Variants in FLNC observed in about 807,000 individuals in gnomAD.
The protein encoded by FLNC is filamin C.
In FLNC, 91 loss-of-function variants were observed where a neutral mutation model predicts 254.3. The observed-to-expected ratio is 0.36, with a 90% CI of 0.30 to 0.43. The LOEUF (loss-of-function observed/expected upper bound fraction) is 0.43, where lower values mean the gene tolerates loss of function less well. Ranked by LOEUF, FLNC falls within the 20% of genes least tolerant of loss-of-function variation. The pLI is 1.00. For synonymous variants in FLNC, 1,430 were observed against 1,577.2 expected (o/e 0.91, Z 2.21); for missense variants, 2,853 against 3,802.6 (o/e 0.75, Z 6.57).
At position 128,854,023 on chromosome 7, in the gene FLNC, C is replaced by T. The variant is rs542403218; in HGVS notation, c.6534C>T (p.Phe2178=). ...CCCAGGAGCGCCTGACACGCACCTT[C>T]ACACGCAGCAGCCACACCTACACCC... ...VSAQERLTRT[F]TRSSHTYTRT... Residue 2178 remains phenylalanine (F), a synonymous_variant, in exon 40 of 48, where the codon TTC becomes TTT. Coordinates refer to ENST00000325888, the MANE Select transcript of FLNC (RefSeq NM_001458.5). 6.2e-7 allele frequency: 1 copy of T among 1,613,174 alleles called. No homozygotes were observed. Among genetic ancestry groups the T allele is most frequent in the East Asian group, 2.2e-5 (1 of 44,882 alleles).
At chr7:128,844,535 A>T in intron 20 of FLNC, 123 bp from the exon 21 acceptor site, 3 of 1,014,678 alleles carry the variant, frequency 3.0e-6, no homozygotes, top group Non-Finnish European at 4.6e-6. Flanking sequence ...ATCACCTGGG[A>T]TTGTTATAAG....
chr7:128,837,177 G>A lies in FLNC; in HGVS notation c.619G>A (p.Glu207Lys). ...CTCTCCAGGTCTCTGCCCCGACTGG[G>A]AGGCCTGGGACCCCAACCAGCCCGT... ...NCAPGLCPDWEAWDPNQPVEN... is the reference protein window; with the variant it reads ...NCAPGLCPDWKAWDPNQPVEN... The change falls in exon 3 of 48, where the codon GAG (glutamate) becomes AAG (lysine). Residue 207 changes from glutamate (E) to lysine (K), a missense_variant. Physicochemically the swap from Glu to Lys is moderately conservative, Grantham distance 56. Transcript: ENST00000325888. 6.2e-7 allele frequency: 1 copy of A among 1,602,678 alleles called. No homozygotes were observed. Among genetic ancestry groups the A allele is most frequent in the Admixed American group, 1.7e-5 (1 of 59,066 alleles).
chr7:128,852,672 G>C lies in FLNC; in HGVS notation c.5924G>C (p.Ser1975Thr). The C allele has an allele frequency of 3.7e-6, 6 of 1,613,332 alleles. No homozygotes were observed. The highest frequency in any genetic ancestry group is 5.1e-6 in the Non-Finnish European group (6 of 1,180,020). The part of the protein sequence containing the change: ...VSLKITESDL[S>T]QLTASIRAPS... Reference sequence around the variant, plus strand: ...CTGAAGATCACCGAGAGTGATCTGAGCCAGCTGACCGCCAGCATCCGTGCC... The same window carrying C: ...CTGAAGATCACCGAGAGTGATCTGACCCAGCTGACCGCCAGCATCCGTGCC... Residue 1975 changes from serine (S) to threonine (T), a missense_variant, in exon 36 of 48, where the codon AGC becomes ACC. Coordinates refer to ENST00000325888, the MANE Select transcript of FLNC (RefSeq NM_001458.5).
rs1485043238 is a variant in FLNC, at chr7:128,835,626, G to T, written c.601+52G>T. On this transcript the variant is annotated intron_variant, in intron 2 of 47. Coordinates refer to ENST00000325888, the MANE Select transcript of FLNC (RefSeq NM_001458.5). The surrounding 1 kb of genome is among the most constrained non-coding windows in gnomAD (Gnocchi z 5.3). ...GAGCCCTTAGCTCCCAAAGACAGAGGGGACAAGCTGGGGCTGCCAAGGCGT... is the reference window on the plus strand; with the variant it reads ...GAGCCCTTAGCTCCCAAAGACAGAGTGGACAAGCTGGGGCTGCCAAGGCGT... 2 of 1,590,660 alleles carry T rather than the reference G, an allele frequency of 1.3e-6. No homozygotes were observed. The highest frequency in any genetic ancestry group is 1.7e-5 in the Admixed American group (1 of 59,932).
At chr7:128,850,149 C>T (rs1808747849) in intron 31 of FLNC, 75 bp downstream of exon 31, 6 of 1,288,364 alleles carry the variant, frequency 4.7e-6, no homozygotes, top group Non-Finnish European at 6.5e-6. Flanking sequence ...TCCTCTGCAG[C>T]CAGGGCGGGG....
At chr7:128,831,863 G>C (rs1270268080) in intron 1 of FLNC, among the ~76,000 whole-genome samples, 4 of 152,128 alleles carry the variant, frequency 2.6e-5, no homozygotes, top group Non-Finnish European at 4.4e-5. Context: ...GGTGGGCTTG[G>C]AGTGGCAGGA....
In FLNC at chr7:128,858,764, G is replaced by A; in HGVS notation, c.*241G>A. On this transcript the variant is annotated 3_prime_UTR_variant, in exon 48 of 48. Transcript: ENST00000325888. The surrounding 1 kb of genome is among the most constrained non-coding windows in gnomAD (Gnocchi z 6.7). ...GGGAATGTGACATGAGGGCCGACTG[G>A]GGCCAGGCTCAGGGGCAGAGGCTGG... The A allele has an allele frequency of 1.8e-6, 1 of 565,250 alleles. No individual in the cohort carries two copies. Among genetic ancestry groups the A allele is most frequent in the Admixed American group, 3.0e-5 (1 of 32,986 alleles). 35.0% of individuals were successfully genotyped at this position (565,250 alleles called of 1,614,324 possible). A position where few individuals can be genotyped will look rare whatever the true frequency, so the allele number is the denominator to read the frequency against.
intron 23 of FLNC, 96 bp from the exon 24 acceptor site, chr7:128,846,649 C>T (rs570931707): frequency 6.5e-6 from 9 of 1,394,854 alleles, no homozygotes; most frequent in African/African-American, 2.8e-5. Context: ...GGGTCCCCAG[C>T]GGCCTGCCCT....
rs759899515 is a variant in FLNC at position 128,841,136 on chromosome 7, G to A, written c.1814-34G>A. 4.3e-6 allele frequency: 7 copies of A among 1,609,424 alleles called. No homozygotes were observed. Among genetic ancestry groups the A allele is most frequent in the Non-Finnish European group, 2.5e-6 (3 of 1,177,882 alleles). ...GGGGGACGGAAGGGTCTTGCCTGAT[G>A]CTGGATCCCCGACCCTCCCCCACCT... On this transcript the variant is annotated intron_variant, in intron 11 of 47. Coordinates refer to ENST00000325888, the MANE Select transcript of FLNC (RefSeq NM_001458.5). The surrounding 1 kb of genome is among the most constrained non-coding windows in gnomAD (Gnocchi z 4.3).
Position 128,851,283 on chromosome 7 carries a change from C to T in FLNC, c.5591C>T (p.Ala1864Val), listed in dbSNP as rs1294315494. Reference protein sequence around the residue: ...VDAINSRHVSAYGPGLSHGMV... With the variant: ...VDAINSRHVSVYGPGLSHGMV... ...GCCATCAACAGCCGCCATGTCAGTG[C>T]CTATGGGCCAGGCCTGAGCCATGGC... The change falls in exon 34 of 48, where the codon GCC becomes GTC. Residue 1864 changes from alanine to valine, a missense_variant. By Grantham distance (64) the Ala-to-Val change is moderately conservative. Transcript: ENST00000325888. 1.9e-6 allele frequency: 3 copies of T among 1,614,116 alleles called. No homozygotes were observed. Among genetic ancestry groups the T allele is most frequent in the Non-Finnish European group, 2.5e-6 (3 of 1,180,002 alleles).
In FLNC at chr7:128,853,556, C is replaced by A. The variant is rs771090404; in HGVS notation, c.6296C>A (p.Thr2099Asn). The change falls in exon 38 of 48, where the codon ACC (threonine) becomes AAC (asparagine). Residue 2099 changes from threonine to asparagine, a missense_variant. Physicochemically the swap from Thr to Asn is moderately conservative, Grantham distance 65. This residue lies in a region of FLNC where 551 missense variants were observed against 835.0 expected (regional missense o/e 0.66). Transcript: ENST00000325888. ...EDMEDGTCKV[T>N]YCPTEPGTYI... The stretch of plus-strand genomic sequence containing the variant: ...ATGGAGGACGGGACATGCAAAGTCA[C>A]CTACTGCCCCACCGAGCCCGGCACC... The A allele has an allele frequency of 7.4e-6, 12 of 1,613,884 alleles. No homozygotes were observed. The South Asian group carries it at 9.9e-5, about 13-fold the overall frequency.
At chr7:128,843,690 G>A in intron 18 of FLNC, 106 bp from the exon 19 acceptor site, 1 of 1,488,630 alleles carries the variant, frequency 6.7e-7, no homozygotes, top group Non-Finnish European at 9.4e-7. Context: ...CCTGCCTCCT[G>A]CCCTCACTCT....
chr7:128,851,071 A>G lies in FLNC; in HGVS notation c.5539+128A>G, dbSNP rs1012182170. ...GTGTGCAGACACCAGGCGAGGCCCC[A>G]GGGAGGCTTATACCCTGGTGGGAAG... On this transcript the variant is annotated intron_variant, in intron 33 of 47. Transcript: ENST00000325888. The G allele has an allele frequency of 5.9e-6, 9 of 1,513,134 alleles. No homozygotes were observed. In the South Asian group the frequency reaches 7.9e-5, roughly 13 times the overall value. The allele number at this position is 1,513,134 out of a possible 1,614,324, so 93.7% of individuals were successfully genotyped here. A position where few individuals can be genotyped will look rare whatever the true frequency, so the allele number is the denominator to read the frequency against.
chr7:128,837,696 G>A lies in FLNC; in HGVS notation c.910G>A (p.Asp304Asn). ...QPAHFTVQTVDAGVGEVLVYI... is the reference protein window; with the variant it reads ...QPAHFTVQTVNAGVGEVLVYI... ...TGCCCACTTCACCGTGCAGACGGTG[G>A]ACGCGGGCGTGGGCGAGGTGCTGGT... The change falls in exon 5 of 48, where the codon GAC becomes AAC. Residue 304 changes from aspartate to asparagine, a missense_variant. By Grantham distance (23) the Asp-to-Asn change is conservative. Coordinates refer to ENST00000325888, the MANE Select transcript of FLNC (RefSeq NM_001458.5). The A allele has an allele frequency of 1.9e-6, 3 of 1,610,820 alleles. No individual in the cohort carries two copies. Among genetic ancestry groups the A allele is most frequent in the South Asian group, 2.2e-5 (2 of 90,924 alleles).
Position 128,842,397 on chromosome 7 carries a change from G to C in FLNC, c.2265+23G>C, listed in dbSNP as rs779256765. Reference sequence around the variant, plus strand: ...CGGGTGCGTCCTCCCGGCCTGCCCCGTGCCCACCACCAGGGGTCCCTGAGG... The same window carrying C: ...CGGGTGCGTCCTCCCGGCCTGCCCCCTGCCCACCACCAGGGGTCCCTGAGG... On this transcript the variant is annotated intron_variant, in intron 14 of 47. Transcript: ENST00000325888. The surrounding 1 kb of genome is among the most constrained non-coding windows in gnomAD (Gnocchi z 5.4). 6.2e-7 allele frequency: 1 copy of C among 1,613,148 alleles called. No homozygotes were observed. Among genetic ancestry groups the C allele is most frequent in the South Asian group, 1.1e-5 (1 of 91,084 alleles).
chr7:128,840,081 C>G lies in FLNC; in HGVS notation c.1470C>G (p.Arg490=). Residue 490 remains arginine, a synonymous_variant, in exon 9 of 48, where the codon CGC becomes CGG. Transcript: ENST00000325888. ...SGRGLQPKGV[R]VKEVADFKVF... is the part of the protein sequence containing the mutation. ...GAGGCCTGCAGCCCAAGGGTGTTCG[C>G]GTGAAAGAGGTGGCTGACTTCAAGG... 1 of 1,614,130 alleles carries G rather than the reference C, an allele frequency of 6.2e-7. No homozygotes were observed. The highest frequency in any genetic ancestry group is 8.5e-7 in the Non-Finnish European group (1 of 1,180,034).
In FLNC at chr7:128,852,989, A is replaced by G. The variant is rs1808887741; in HGVS notation, c.6166A>G (p.Thr2056Ala). The change falls in exon 37 of 48, where the codon ACA (threonine) becomes GCA (alanine). Residue 2056 changes from threonine (T) to alanine (A), a missense_variant. Thr to Ala is a moderately conservative substitution (Grantham distance 58, BLOSUM62 0). Around this residue, in one of 10 missense-constraint regions of FLNC, gnomAD observed 551 missense variants for 835.0 expected, o/e 0.66. Transcript: ENST00000325888. ...GGGCAAGGGGCTTTCCGAGGGACAC[A>G]CATTCCAGGTGGCAGAGTTCATCGT... Reference protein sequence around the residue: ...VWGKGLSEGHTFQVAEFIVDT... With the variant: ...VWGKGLSEGHAFQVAEFIVDT... 6.2e-7 allele frequency: 1 copy of G among 1,613,434 alleles called. No individual in the cohort carries two copies. The highest frequency in any genetic ancestry group is 8.5e-7 in the Non-Finnish European group (1 of 1,180,014).
chr7:128,842,503 G>A lies in FLNC; in HGVS notation c.2266-72G>A. On this transcript the variant is annotated intron_variant, in intron 14 of 47. Transcript: ENST00000325888. This position sits in a 1 kb window ranked among gnomAD's most constrained non-coding sequence, Gnocchi z 5.4. ...GGCTTGGGCTGGTGCCACTGAGGCT[G>A]GGCCGGGTGCGCTGGGCAGGAGGAT... The A allele has an allele frequency of 6.4e-7, 1 of 1,560,176 alleles. No homozygotes were observed. Among genetic ancestry groups the A allele is most frequent in the South Asian group, 1.2e-5 (1 of 86,044 alleles).
chr7:128,840,219 G>T, intron 9 of FLNC, 59 bp downstream of exon 9: 1 of 1,598,408 alleles, frequency 6.3e-7, no homozygotes. Flanking sequence ...GGGAAGTATG[G>T]CCAGTGGTTC....
Sources: allele counts gnomAD v4.1 joint callset (sites outside exome capture counted in the v4.1 genomes callset), GRCh38; gene constraint gnomAD v4.1.1; regional missense constraint gnomAD v4.1.1; non-coding constraint Gnocchi (gnomAD v3.1); transcripts MANE v1.5; gene names NCBI Gene and HGNC (gene_info 2026-07-23, HGNC 2026-07-21).